Variants in E2F2 observed in about 807,000 individuals in gnomAD.
E2F2 encodes the protein E2F transcription factor 2.
In E2F2, 22 loss-of-function variants were observed where a neutral mutation model predicts 42.2. That is an observed-to-expected ratio of 0.52 (90% CI 0.37 to 0.74). The LOEUF (loss-of-function observed/expected upper bound fraction) is 0.74. Ranked by LOEUF, E2F2 falls within the 30% of genes least tolerant of loss-of-function variation. The pLI is 0.00. For missense variants in E2F2, 481 were observed against 557.8 expected, an observed-to-expected ratio of 0.86 and a Z score of 1.39; for synonymous variants, 248 against 251.6, an observed-to-expected ratio of 0.99 and a Z score of 0.13.
intron 5 of E2F2, among the ~76,000 whole-genome samples, chr1:23,518,303 TAAA>T (rs572687255): frequency 6.7e-6 from 1 of 148,202 alleles, no homozygotes; most frequent in East Asian, 2.0e-4. Flanking sequence ...CCATCTCTAC[TAAA>T]AAAAAAATAC....
chr1:23,513,563 TG>T (rs1329207692), intron 6 of E2F2, among the ~76,000 whole-genome samples: 3 of 4,632 alleles, frequency 6.5e-4, no homozygotes, highest in East Asian at 0.019. Context: ...GCACGGAACA[TG>T]TGTGTGTGTG....
Position 23,514,207 on chromosome 1 carries a change from G to A in E2F2, c.1045+2128C>T, listed in dbSNP as rs3218195. ...CAAGGTCTCAGAGGACAACTGAAGC[G>A]AAGGTGGTTCCAGCTTCGGAGGGCT... On this transcript the variant is annotated intron_variant, in intron 6 of 6. Transcript: ENST00000361729. Among the ~76,000 whole-genome samples, 7 of 152,300 alleles carry A rather than the reference G, an allele frequency of 4.6e-5. No individual in the cohort carries two copies. The East Asian group carries it at 1.2e-3, about 25-fold the overall frequency.
chr1:23,527,078 TGA>T (rs1643263786), intron 1 of E2F2, among the ~76,000 whole-genome samples: 1 of 152,252 alleles, frequency 6.6e-6, no homozygotes, highest in Non-Finnish European at 1.5e-5. Flanking sequence ...AAGGTGAGGC[TGA>T]GCACAGGTCT....
chr1:23,526,677 A>C (rs1318307251), intron 1 of E2F2, among the ~76,000 whole-genome samples: 1 of 152,238 alleles, frequency 6.6e-6, no homozygotes, highest in Non-Finnish European at 1.5e-5. Context: ...GAGAGTAAGC[A>C]CATGCCCAAG....
At chr1:23,520,228 A>T (rs1483354275) in intron 4 of E2F2, among the ~76,000 whole-genome samples, 1 of 137,420 alleles carries the variant, frequency 7.3e-6, no homozygotes, top group African/African-American at 2.8e-5. Context: ...CCTGGGCAAG[A>T]GTGAGACTCT....
At chr1:23,529,454 A>G (rs538806826) in intron 1 of E2F2, among the ~76,000 whole-genome samples, 3 of 152,258 alleles carry the variant, frequency 2.0e-5, no homozygotes, top group African/African-American at 7.2e-5. Context: ...TGACTAGCAC[A>G]GGTCTGACCA....
chr1:23,516,316 C>T lies in E2F2; in HGVS notation c.1045+19G>A. ...CGGTCTCTCCCCCCACCTCCTGTCCCTCTGGACAAGGGACCTACCTGAGGA... is the reference window on the plus strand; with the variant it reads ...CGGTCTCTCCCCCCACCTCCTGTCCTTCTGGACAAGGGACCTACCTGAGGA... On this transcript the variant is annotated intron_variant, in intron 6 of 6. Transcript: ENST00000361729. The T allele has an allele frequency of 6.7e-7, 1 of 1,486,946 alleles. No individual in the cohort carries two copies. The highest frequency in any genetic ancestry group is 8.9e-7 in the Non-Finnish European group (1 of 1,120,920). 92.1% of individuals were successfully genotyped at this position (1,486,946 alleles called of 1,614,324 possible). A position where few individuals can be genotyped will look rare whatever the true frequency, so the allele number is the denominator to read the frequency against.
In E2F2 at chr1:23,509,682, C is replaced by T. The variant is rs1026097536; in HGVS notation, c.*198G>A. The T allele has an allele frequency of 3.8e-6, 4 of 1,049,976 alleles. No homozygotes were observed. The highest frequency in any genetic ancestry group is 3.3e-5 in the African/African-American group (2 of 60,900). The allele number at this position is 1,049,976 out of a possible 1,614,324, so 65.0% of individuals were successfully genotyped here. On this transcript the variant is annotated 3_prime_UTR_variant, in exon 7 of 7. Coordinates refer to ENST00000361729, the MANE Select transcript of E2F2 (RefSeq NM_004091.4). ...CAGCTTCCATTAGGAAGGTGAGGAC[C>T]ACCCCTTATCCACTCCTCACCCGTA...
intron 5 of E2F2, among the ~76,000 whole-genome samples, 186 bp downstream of exon 5, chr1:23,518,830 C>T (rs1558245172): frequency 6.6e-6 from 1 of 152,184 alleles, no homozygotes; most frequent in Non-Finnish European, 1.5e-5. Flanking sequence ...TACTCAGTCT[C>T]CGTTGCCCTT....
At chr1:23,517,978 T>C (rs1418247865) in intron 5 of E2F2, among the ~76,000 whole-genome samples, 2 of 151,820 alleles carry the variant, frequency 1.3e-5, no homozygotes, top group African/African-American at 4.8e-5. Flanking sequence ...AAGACCAGCC[T>C]GGACAACGTG....
In E2F2 at chr1:23,522,036, T is replaced by C; in HGVS notation, c.379A>G (p.Lys127Glu). 6.2e-7 allele frequency: 1 copy of C among 1,613,940 alleles called. No individual in the cohort carries two copies. The highest frequency in any genetic ancestry group is 8.5e-7 in the Non-Finnish European group (1 of 1,179,976). ...CCCAGCGAAGTGTCATACCGAGTCT[T>C]CTCCCCGGGGGATTTGGGGGCTGAA... is the stretch of plus-strand genomic sequence containing the variant. ...SPKTPKSPGE[K>E]TRYDTSLGLL... Residue 127 changes from lysine to glutamate, a missense_variant, in exon 3 of 7, where the codon AAG (lysine) becomes GAG (glutamate). By Grantham distance (56) the Lys-to-Glu change is moderately conservative. Coordinates refer to ENST00000361729, the MANE Select transcript of E2F2 (RefSeq NM_004091.4).
chr1:23,511,756 T>C (rs560802309), intron 6 of E2F2, among the ~76,000 whole-genome samples: 1 of 152,296 alleles, frequency 6.6e-6, no homozygotes, highest in Non-Finnish European at 1.5e-5. Context: ...TGATTTCACA[T>C]TTTATTTATT....
intron 1 of E2F2, among the ~76,000 whole-genome samples, chr1:23,528,912 C>G (rs192038909): frequency 2.1e-4 from 32 of 152,286 alleles, no homozygotes; most frequent in Admixed American, 1.2e-3. Context: ...TAGAGAAGAG[C>G]CTGCTGCCTG....
chr1:23,510,008 A>C lies in E2F2; in HGVS notation c.1186T>G (p.Cys396Gly), dbSNP rs1308071583. 6.2e-7 allele frequency: 1 copy of C among 1,613,736 alleles called. No individual in the cohort carries two copies. The highest frequency in any genetic ancestry group is 8.5e-7 in the Non-Finnish European group (1 of 1,179,900). ...EDQFLSPTLA[C>G]SSPLISFSPS... ...GAGAAGCTGATCAGAGGGGAGCTGC[A>C]CGCCAGGGTCGGGGACAGGAACTGG... Residue 396 changes from cysteine (C) to glycine (G), a missense_variant, in exon 7 of 7, where the codon TGC becomes GGC. Transcript: ENST00000361729.
At position 23,516,522 on chromosome 1, in the gene E2F2, G is replaced by A. The variant is rs756427666; in HGVS notation, c.858C>T (p.Asn286=). The change falls in exon 6 of 7, where the codon AAC becomes AAT. Residue 286 remains asparagine (N), a synonymous_variant. Transcript: ENST00000361729. ...RLEVPDRTED[N]LQIYLKSTQG... ...GGGTGCTCTTGAGATATATCTGCAG[G>A]TTGTCCTGGAGGAGGAAGAGAAGCC... The A allele has an allele frequency of 7.5e-6, 12 of 1,604,016 alleles. No homozygotes were observed. The highest frequency in any genetic ancestry group is 4.3e-6 in the Non-Finnish European group (5 of 1,175,674).
intron 1 of E2F2, among the ~76,000 whole-genome samples, chr1:23,528,803 A>G (rs1643291061): frequency 6.6e-6 from 1 of 152,100 alleles, no homozygotes; most frequent in African/African-American, 2.4e-5. Flanking sequence ...CCAGTCTGAA[A>G]GCAGCTGGCC....
At chr1:23,512,226 C>CAAAT (rs781229789) in intron 6 of E2F2, among the ~76,000 whole-genome samples, 3 of 151,884 alleles carry the variant, frequency 2.0e-5, no homozygotes, top group Non-Finnish European at 4.4e-5. Flanking sequence ...AATAAACAAA[C>CAAAT]AAATAAATAA....
Position 23,515,499 on chromosome 1 carries a change from T to C in E2F2, c.1045+836A>G, listed in dbSNP as rs765614891. On this transcript the variant is annotated intron_variant, in intron 6 of 6. Transcript: ENST00000361729. ...CTGTTGCCTCCCAGCTGGGAGACCT[T>C]AGGTAAGACACATCACCTCTATGTC... Among the ~76,000 whole-genome samples, 44 of 152,180 alleles carry C rather than the reference T, an allele frequency of 2.9e-4. 1 individual carries two copies. Among genetic ancestry groups the C allele is most frequent in the Admixed American group, 9.2e-4 (14 of 15,284 alleles).
At position 23,510,018 on chromosome 1, in the gene E2F2, C is replaced by T. The variant is rs548500891; in HGVS notation, c.1176G>A (p.Pro392=). The T allele has an allele frequency of 4.7e-5, 76 of 1,613,470 alleles. No homozygotes were observed. The South Asian group carries it at 7.9e-4, about 17-fold the overall frequency. The part of the protein sequence containing the change: ...LQQTEDQFLS[P]TLACSSPLIS... ...TCAGAGGGGAGCTGCACGCCAGGGT[C>T]GGGGACAGGAACTGGTCCTCAGTCT... Residue 392 remains proline (P), a synonymous_variant, in exon 7 of 7, where the codon CCG becomes CCA. Coordinates refer to ENST00000361729, the MANE Select transcript of E2F2 (RefSeq NM_004091.4).
Sources: gnomAD v4.1 joint callset for allele counts (sites outside exome capture counted in the v4.1 genomes callset) on GRCh38, gnomAD v4.1.1 for gene constraint, MANE v1.5 for transcripts, NCBI Gene and HGNC (gene_info 2026-07-23, HGNC 2026-07-21) for gene names.